The following TCF7L1 variants were observed in gnomAD, a reference collection of about 807,000 sequenced individuals.
TCF7L1 encodes transcription factor 7 like 1.
A neutral mutation model predicts 63.7 loss-of-function variants in TCF7L1; 18 were observed. The ratio of observed to expected loss-of-function variants is 0.28; its 90% CI spans 0.20 to 0.42. The LOEUF is 0.42. Ranked by LOEUF, TCF7L1 falls within the 10% of genes least tolerant of loss-of-function variation. The pLI, the probability that TCF7L1 is intolerant of heterozygous loss-of-function variation, is 1.00. For missense variants in TCF7L1, 654 were observed against 779.3 expected (o/e 0.84, Z 1.91); for synonymous variants, 355 against 340.9 (o/e 1.04, Z -0.46).
chr2:85,225,592 G>A (rs1679938751), intron 3 of TCF7L1, among the ~76,000 whole-genome samples: 1 of 152,130 alleles, frequency 6.6e-6, no homozygotes, highest in Non-Finnish European at 1.5e-5. Flanking sequence ...TGTTATTGGT[G>A]TATGGGAATG....
At chr2:85,304,423 T>G (rs1358297721) in intron 7 of TCF7L1, 85 bp downstream of exon 7, 1 of 1,419,066 alleles carries the variant, frequency 7.0e-7, no homozygotes, top group Admixed American at 1.8e-5. Context: ...TCTTGCCAGT[T>G]AATGAGCAGG....
intron 3 of TCF7L1, among the ~76,000 whole-genome samples, chr2:85,193,232 A>G (rs971617734): frequency 2.0e-5 from 3 of 152,308 alleles, no homozygotes; most frequent in East Asian, 1.9e-4. Flanking sequence ...GACTTGTCCA[A>G]TCTGCGTAGA....
intron 4 of TCF7L1, 77 bp from the exon 5 acceptor site, chr2:85,302,407 C>A: frequency 1.2e-6 from 2 of 1,603,102 alleles, no homozygotes; most frequent in Non-Finnish European, 8.5e-7. Context: ...CTGGCACTTA[C>A]TTGATTCCAT....
chr2:85,305,074 A>G (rs558997952), intron 7 of TCF7L1, among the ~76,000 whole-genome samples, 186 bp from the exon 8 acceptor site: 1 of 152,176 alleles, frequency 6.6e-6, no homozygotes, highest in East Asian at 1.9e-4. Flanking sequence ...GGTGGGGAGA[A>G]GGAAGAGCCA....
intron 3 of TCF7L1, among the ~76,000 whole-genome samples, chr2:85,172,512 T>C (rs1172684381): frequency 6.6e-6 from 1 of 152,188 alleles, no homozygotes; most frequent in Non-Finnish European, 1.5e-5. Context: ...CAGCAACCTC[T>C]GCCTCCCAGG....
At chr2:85,166,571 C>T (rs1441335633) in intron 3 of TCF7L1, among the ~76,000 whole-genome samples, 1 of 152,198 alleles carries the variant, frequency 6.6e-6, no homozygotes, top group Non-Finnish European at 1.5e-5. Context: ...GAGCCCTGCC[C>T]TATCCTTCCC....
At chr2:85,263,439 A>G (rs1184249082) in intron 3 of TCF7L1, among the ~76,000 whole-genome samples, 1 of 151,982 alleles carries the variant, frequency 6.6e-6, no homozygotes, top group Non-Finnish European at 1.5e-5. Flanking sequence ...ATGAAGGGGA[A>G]CAATTGGAGA....
intron 4 of TCF7L1, among the ~76,000 whole-genome samples, chr2:85,290,021 A>G (rs1245623018): frequency 1.4e-5 from 2 of 142,058 alleles, no homozygotes; most frequent in Non-Finnish European, 3.0e-5. Context: ...TATGTCGCCC[A>G]GGCTGGAGTG....
intron 4 of TCF7L1, among the ~76,000 whole-genome samples, chr2:85,293,945 T>TG (rs927975311): frequency 6.6e-5 from 10 of 151,908 alleles, no homozygotes; most frequent in African/African-American, 1.9e-4. Context: ...CGGAGTCATC[T>TG]GGGGAACTTG....
chr2:85,235,374 C>T (rs958883043), intron 3 of TCF7L1, among the ~76,000 whole-genome samples: 1 of 151,210 alleles, frequency 6.6e-6, no homozygotes, highest in Non-Finnish European at 1.5e-5. Flanking sequence ...TTTCTTTATC[C>T]TACAATCTAG....
intron 3 of TCF7L1, among the ~76,000 whole-genome samples, chr2:85,159,720 A>T (rs1204353691): frequency 6.6e-6 from 1 of 152,210 alleles, no homozygotes; most frequent in Middle Eastern, 3.2e-3. Flanking sequence ...GCGCCCTGGG[A>T]TGCTTAGGGT....
intron 3 of TCF7L1, among the ~76,000 whole-genome samples, chr2:85,240,321 C>T (rs995292446): frequency 8.5e-5 from 13 of 152,220 alleles, no homozygotes; most frequent in Non-Finnish European, 1.8e-4. Flanking sequence ...CGGGGGACTG[C>T]TGTGGAGATG....
chr2:85,153,340 A>ATTTTTTTTTTTTTTTTTTTTTT lies in TCF7L1; in HGVS notation c.441+18909_441+18910insTTTTTTTTTTTTTTTTTTTTTT, dbSNP rs66697146. Among the ~76,000 whole-genome samples, 14 of 102,304 alleles carry ATTTTTTTTTTTTTTTTTTTTTT rather than the reference A, an allele frequency of 1.4e-4. 2 individuals carry two copies. The highest frequency in any genetic ancestry group is 3.8e-4 in the African/African-American group (9 of 23,728). The allele number at this position is 102,304 out of a possible 152,430, so 67.1% of individuals were successfully genotyped here. A position where few individuals can be genotyped will look rare whatever the true frequency, so the allele number is the denominator to read the frequency against. ...TTCATGATCTTGCTAGCCTTTATAAATTTTTTTTTTTTTTTTTTTGAGATG... is the reference window on the plus strand; with the variant it reads ...TTCATGATCTTGCTAGCCTTTATAAATTTTTTTTTTTTTTTTTTTTTTTTTTTTTTTTTTTTTTTTTGAGATG... On this transcript the variant is annotated intron_variant, in intron 3 of 11. Transcript: ENST00000282111.
chr2:85,249,599 G>A (rs1680546358), intron 3 of TCF7L1, among the ~76,000 whole-genome samples: 1 of 152,168 alleles, frequency 6.6e-6, no homozygotes, highest in Non-Finnish European at 1.5e-5. Flanking sequence ...GCTTTTCTGG[G>A]GGTCTGCGGA....
chr2:85,192,461 C>A (rs575831361), intron 3 of TCF7L1, among the ~76,000 whole-genome samples: 4 of 152,100 alleles, frequency 2.6e-5, no homozygotes, highest in Non-Finnish European at 5.9e-5. Context: ...GATGTTGGCT[C>A]ACTGCAACCT....
At chr2:85,219,529 T>C (rs1679796386) in intron 3 of TCF7L1, among the ~76,000 whole-genome samples, 1 of 151,916 alleles carries the variant, frequency 6.6e-6, no homozygotes, top group African/African-American at 2.4e-5. Flanking sequence ...GTGAATTAAC[T>C]CAGATCTACA....
chr2:85,304,353 T>A lies in TCF7L1; in HGVS notation c.845+15T>A. 6.2e-7 allele frequency: 1 copy of A among 1,612,426 alleles called. No individual in the cohort carries two copies. The highest frequency in any genetic ancestry group is 8.5e-7 in the Non-Finnish European group (1 of 1,179,304). ...TCGATGTCCAGGTGAGTCCCGGGGCTGGGGCTGTCCGCATGTTTGTCTTAG... is the reference window on the plus strand; with the variant it reads ...TCGATGTCCAGGTGAGTCCCGGGGCAGGGGCTGTCCGCATGTTTGTCTTAG... On this transcript the variant is annotated intron_variant, in intron 7 of 11. Coordinates refer to ENST00000282111, the MANE Select transcript of TCF7L1 (RefSeq NM_031283.3).
chr2:85,229,923 G>C (rs898475384), intron 3 of TCF7L1, among the ~76,000 whole-genome samples: 1 of 152,148 alleles, frequency 6.6e-6, no homozygotes, highest in Non-Finnish European at 1.5e-5. Flanking sequence ...CAGGAGGATC[G>C]CTTGAACCTG....
At chr2:85,209,247 G>A (rs1679488544) in intron 3 of TCF7L1, among the ~76,000 whole-genome samples, 1 of 152,210 alleles carries the variant, frequency 6.6e-6, no homozygotes, top group South Asian at 2.1e-4. Context: ...CCAATGGAGG[G>A]ATCACAAAGG....
Sources: allele counts gnomAD v4.1 joint callset (sites outside exome capture counted in the v4.1 genomes callset), GRCh38; gene constraint gnomAD v4.1.1; transcripts MANE v1.5; gene names NCBI Gene and HGNC (gene_info 2026-07-23, HGNC 2026-07-21).